The following GALNT13 variants were observed in gnomAD, a reference collection of about 807,000 sequenced individuals.
The protein encoded by GALNT13 is UDP-GalNAc:polypeptide N-acetylgalactosaminyltransferase 13.
In GALNT13, 28 loss-of-function variants were observed where a neutral mutation model predicts 64.2. The observed-to-expected ratio is 0.44, with a 90% CI of 0.32 to 0.60. The LOEUF (loss-of-function observed/expected upper bound fraction) is 0.60. GALNT13 is among the 20% of genes least tolerant of loss of function. The pLI is 0.05. For missense variants in GALNT13, 577 were observed against 669.8 expected (o/e 0.86, Z 1.53); for synonymous variants, 214 against 224.6 (o/e 0.95, Z 0.42).
At chr2:153,440,673 G>A in the GALNT13 span, among the ~76,000 whole-genome samples, 1 of 152,156 alleles carries the variant, frequency 6.6e-6, no homozygotes, top group Middle Eastern at 3.4e-3. Context: ...TCTCATTGTG[G>A]TTTTGATTTG....
At chr2:153,537,613 T>C in the GALNT13 span, among the ~76,000 whole-genome samples, 264 of 152,236 alleles carry the variant, frequency 1.7e-3, no homozygotes, top group African/African-American at 5.8e-3. Flanking sequence ...TCATCCTGAA[T>C]TGTAGTTCTC....
chr2:154,371,453 A>G (rs1697679766), intron 9 of GALNT13, among the ~76,000 whole-genome samples: 1 of 93,746 alleles, frequency 1.1e-5, no homozygotes, highest in Non-Finnish European at 2.7e-5. Context: ...CAAGAAAAGT[A>G]TATGTTGTTA....
the GALNT13 span, among the ~76,000 whole-genome samples, chr2:153,677,281 A>T: frequency 1.4e-5 from 1 of 69,824 alleles, no homozygotes; most frequent in Non-Finnish European, 2.7e-5. Flanking sequence ...TTCACAATAG[A>T]CATACACACA....
intron 3 of GALNT13, among the ~76,000 whole-genome samples, chr2:154,127,639 T>C (rs989485559): frequency 6.6e-6 from 1 of 151,018 alleles, no homozygotes; most frequent in African/African-American, 2.4e-5. Flanking sequence ...GAAGTTTGGG[T>C]ATGTGTGTGT....
At chr2:154,403,677 A>T (rs978837) in intron 10 of GALNT13, among the ~76,000 whole-genome samples, 2 of 151,884 alleles carry the variant, frequency 1.3e-5, no homozygotes, top group African/African-American at 2.4e-5. Context: ...CTTTGTTTTT[A>T]GGCTTTTTGA....
At chr2:153,623,810 T>A in the GALNT13 span, among the ~76,000 whole-genome samples, 1 of 152,110 alleles carries the variant, frequency 6.6e-6, no homozygotes, top group Non-Finnish European at 1.5e-5. Flanking sequence ...CTTATTTTTT[T>A]ATACCTTCAC....
intron 3 of GALNT13, among the ~76,000 whole-genome samples, chr2:154,116,080 C>T (rs917911639): frequency 3.0e-4 from 46 of 152,178 alleles, no homozygotes; most frequent in African/African-American, 1.1e-3. Flanking sequence ...GAGGCCATGA[C>T]TGTTGCCTCA....
chr2:153,251,882 T>G, the GALNT13 span, among the ~76,000 whole-genome samples: 1 of 152,010 alleles, frequency 6.6e-6, no homozygotes, highest in Admixed American at 6.6e-5. Flanking sequence ...ATTGGACATT[T>G]GGGTTGGTTC....
At chr2:153,220,792 A>G in the GALNT13 span, among the ~76,000 whole-genome samples, 427 of 152,348 alleles carry the variant, frequency 2.8e-3, 8 homozygotes, top group South Asian at 0.04. Flanking sequence ...AGACAGCAGA[A>G]AAGAGAAAAA....
At chr2:153,348,965 G>A in the GALNT13 span, among the ~76,000 whole-genome samples, 1 of 152,244 alleles carries the variant, frequency 6.6e-6, no homozygotes, top group East Asian at 1.9e-4. Context: ...TCCAATAAAT[G>A]TATTATAGTT....
chr2:153,478,832 G>A, the GALNT13 span: 11 of 429,832 alleles, frequency 2.6e-5, no homozygotes, highest in Non-Finnish European at 4.2e-5. Flanking sequence ...GTTGGAACTT[G>A]GCGGGGCTGG....
At chr2:153,654,149 G>A in the GALNT13 span, among the ~76,000 whole-genome samples, 1 of 152,026 alleles carries the variant, frequency 6.6e-6, no homozygotes, top group Non-Finnish European at 1.5e-5. Context: ...GAGAAACAAT[G>A]TAAATAGCTG....
intron 9 of GALNT13, among the ~76,000 whole-genome samples, chr2:154,305,430 G>C (rs1408259998): frequency 6.6e-6 from 1 of 152,018 alleles, no homozygotes; most frequent in African/African-American, 2.4e-5. Context: ...AAACTCTAAA[G>C]AGTTTATGAG....
chr2:153,625,520 A>T, the GALNT13 span, among the ~76,000 whole-genome samples: 2 of 152,228 alleles, frequency 1.3e-5, no homozygotes, highest in African/African-American at 4.8e-5. Flanking sequence ...ATGCCACAGA[A>T]TTTGAAAATC....
chr2:153,551,178 G>A, the GALNT13 span, among the ~76,000 whole-genome samples: 1 of 152,148 alleles, frequency 6.6e-6, no homozygotes, highest in Non-Finnish European at 1.5e-5. Flanking sequence ...TTGGATGTAG[G>A]TTATCGCCTA....
At chr2:153,477,270 G>A in the GALNT13 span, 4 of 152,642 alleles carry the variant, frequency 2.6e-5, no homozygotes. Flanking sequence ...CCGGGAGCCA[G>A]ACTCCTCACC....
At chr2:153,680,773 T>C in the GALNT13 span, among the ~76,000 whole-genome samples, 2 of 151,944 alleles carry the variant, frequency 1.3e-5, no homozygotes, top group Non-Finnish European at 2.9e-5. Context: ...TTTCTCTTAC[T>C]CAAGACTGTA....
intron 12 of GALNT13, chr2:154,445,843 A>T: frequency 7.8e-7 from 1 of 1,288,358 alleles, no homozygotes; most frequent in Non-Finnish European, 1.0e-6. Context: ...GAGCTTCAAG[A>T]TGTAGGTGGC....
the GALNT13 span, among the ~76,000 whole-genome samples, chr2:153,479,321 A>G: frequency 4.0e-5 from 6 of 151,818 alleles, no homozygotes; most frequent in African/African-American, 1.5e-4. Flanking sequence ...ATGAATTTGG[A>G]AAGACAGAAA....
Sources: allele counts gnomAD v4.1 joint callset (sites outside exome capture counted in the v4.1 genomes callset), GRCh38; gene constraint gnomAD v4.1.1; transcripts MANE v1.5; gene names NCBI Gene and HGNC (gene_info 2026-07-23, HGNC 2026-07-21).